The following SNX29 variants were observed in gnomAD, a reference collection of about 807,000 sequenced individuals.
SNX29 encodes the protein sorting nexin 29.
In SNX29, 78 loss-of-function variants were observed where a neutral mutation model predicts 102.1. The observed-to-expected ratio is 0.76, with a 90% confidence interval of 0.64 to 0.92. The LOEUF (loss-of-function observed/expected upper bound fraction) is 0.92, where lower values mean the gene tolerates loss of function less well. Among genes scored for constraint, SNX29 ranks in the 40% least tolerant of loss-of-function variants. SNX29 has a pLI of 0.00. For synonymous variants in SNX29, 580 were observed against 414.5 expected, an observed-to-expected ratio of 1.40 and a Z score of -4.85; for missense variants, 1,280 against 1,061.7, an observed-to-expected ratio of 1.21 and a Z score of -2.86.
intron 16 of SNX29, among the ~76,000 whole-genome samples, chr16:12,378,481 T>G (rs1185095308): frequency 6.6e-6 from 1 of 152,140 alleles, no homozygotes; most frequent in Non-Finnish European, 1.5e-5. Context: ...GAACCTTGTT[T>G]CTACTAAAAA....
chr16:12,006,097 G>C (rs2056443195), intron 3 of SNX29, among the ~76,000 whole-genome samples: 3 of 151,950 alleles, frequency 2.0e-5, no homozygotes, highest in African/African-American at 7.3e-5. Flanking sequence ...TCATTGCTTT[G>C]GGAGGCTGAG....
intron 18 of SNX29, among the ~76,000 whole-genome samples, chr16:12,437,256 T>G (rs1192327474): frequency 6.6e-6 from 1 of 152,240 alleles, no homozygotes; most frequent in Non-Finnish European, 1.5e-5. Flanking sequence ...TTTTCTTCCT[T>G]TCTTGGTCTG....
chr16:12,171,951 G>A (rs892885692), intron 13 of SNX29, among the ~76,000 whole-genome samples: 2 of 152,146 alleles, frequency 1.3e-5, no homozygotes, highest in African/African-American at 4.8e-5. Context: ...AGCCTCACAG[G>A]ACATTGACGA....
chr16:12,437,474 G>A (rs1181557252), intron 18 of SNX29, among the ~76,000 whole-genome samples: 4 of 152,220 alleles, frequency 2.6e-5, no homozygotes, highest in Non-Finnish European at 4.4e-5. Flanking sequence ...GGGAGATGGT[G>A]GCCTTTGCGG....
At chr16:12,388,966 C>T (rs2083431978) in intron 16 of SNX29, among the ~76,000 whole-genome samples, 2 of 152,186 alleles carry the variant, frequency 1.3e-5, no homozygotes, top group Non-Finnish European at 2.9e-5. Flanking sequence ...TCTGCTCCTG[C>T]CTGCAAGGGT....
At chr16:12,472,296 A>T (rs1341963941) in intron 18 of SNX29, among the ~76,000 whole-genome samples, 6 of 152,122 alleles carry the variant, frequency 3.9e-5, no homozygotes, top group Non-Finnish European at 7.4e-5. Flanking sequence ...CGAGGTGGGT[A>T]GATCACCTGA....
intron 16 of SNX29, among the ~76,000 whole-genome samples, chr16:12,371,591 C>T (rs1055826456): frequency 6.6e-6 from 1 of 152,180 alleles, no homozygotes; most frequent in Non-Finnish European, 1.5e-5. Flanking sequence ...AGGCGTGAGC[C>T]ACTGCACCCA....
chr16:12,105,513 C>T (rs961729734), intron 11 of SNX29, among the ~76,000 whole-genome samples: 1 of 152,040 alleles, frequency 6.6e-6, no homozygotes, highest in Non-Finnish European at 1.5e-5. Flanking sequence ...TGAGCCACCA[C>T]ACCCGGCCAG....
At chr16:12,030,763 A>T (rs1330955811) in intron 4 of SNX29, among the ~76,000 whole-genome samples, 4 of 152,116 alleles carry the variant, frequency 2.6e-5, no homozygotes, top group Non-Finnish European at 5.9e-5. Flanking sequence ...CCAGTGCGTG[A>T]TCTGGCTTCT....
chr16:12,383,131 G>C (rs1436347893), intron 16 of SNX29, among the ~76,000 whole-genome samples: 1 of 152,122 alleles, frequency 6.6e-6, no homozygotes, highest in African/African-American at 2.4e-5. Context: ...TAGACATTAA[G>C]TTAAGCATCT....
chr16:12,308,634 A>C (rs1156399078), intron 15 of SNX29, among the ~76,000 whole-genome samples: 1 of 152,108 alleles, frequency 6.6e-6, no homozygotes, highest in African/African-American at 2.4e-5. Flanking sequence ...AGACAGAAAA[A>C]ATCCTCGACT....
intron 19 of SNX29, among the ~76,000 whole-genome samples, chr16:12,521,625 T>C (rs1157177570): frequency 6.6e-6 from 1 of 152,214 alleles, no homozygotes; most frequent in Non-Finnish European, 1.5e-5. Context: ...TTTCTTGTCT[T>C]CCTGTAGCAG....
chr16:12,138,774 G>A (rs1033828803), intron 13 of SNX29, among the ~76,000 whole-genome samples: 8 of 152,102 alleles, frequency 5.3e-5, no homozygotes, highest in Non-Finnish European at 1.2e-4. Context: ...TGCTGTAGTG[G>A]ACATGGTATT....
At chr16:12,323,101 C>T (rs693862) in intron 15 of SNX29, among the ~76,000 whole-genome samples, 1,861 of 30,608 alleles carry the variant, frequency 0.061, 8 homozygotes, top group Middle Eastern at 0.12. Context: ...CTGGAGTCAC[C>T]GGGGACCACT....
chr16:12,382,074 C>T (rs975299960), intron 16 of SNX29, among the ~76,000 whole-genome samples: 1 of 151,988 alleles, frequency 6.6e-6, no homozygotes, highest in East Asian at 1.9e-4. Context: ...AAATGACCAC[C>T]CCTGCCAATG....
intron 14 of SNX29, among the ~76,000 whole-genome samples, chr16:12,261,344 G>T (rs1246366631): frequency 7.0e-6 from 1 of 142,458 alleles, no homozygotes; most frequent in African/African-American, 2.7e-5. Flanking sequence ...GTCTGTGCGT[G>T]CGTCCCTGGC....
At chr16:12,026,975 G>A (rs533626064) in intron 3 of SNX29, among the ~76,000 whole-genome samples, 29 of 152,088 alleles carry the variant, frequency 1.9e-4, no homozygotes, top group Non-Finnish European at 4.3e-4. Context: ...ACATCCAACC[G>A]CTCCCCACAC....
intron 19 of SNX29, among the ~76,000 whole-genome samples, chr16:12,523,668 C>T (rs895744943): frequency 2.6e-5 from 4 of 152,100 alleles, no homozygotes; most frequent in Admixed American, 1.3e-4. Flanking sequence ...TTGGGTTGCA[C>T]ACCAAGCAAG....
chr16:12,570,552 CAG>C lies in SNX29; in HGVS notation c.*1927_*1928del, dbSNP rs1309091536. 4 of 232,282 alleles carry C rather than the reference CAG, an allele frequency of 1.7e-5. No individual in the cohort carries two copies. The highest frequency in any genetic ancestry group is 3.4e-5 in the Non-Finnish European group (4 of 117,542). The allele number at this position is 232,282 out of a possible 1,614,324, so 14.4% of individuals were successfully genotyped here. ...TTGAAGTAGGTGTTTGATGCCAGCT[CAG>C]AGACTGTCTCAGGAGTGCCTCCCTG... is the stretch of plus-strand genomic sequence containing the variant. On this transcript the variant is annotated 3_prime_UTR_variant, in exon 21 of 21. Coordinates refer to ENST00000566228, the MANE Select transcript of SNX29 (RefSeq NM_032167.5).
Sources: allele counts gnomAD v4.1 joint callset (sites outside exome capture counted in the v4.1 genomes callset), GRCh38; gene constraint gnomAD v4.1.1; transcripts MANE v1.5; gene names NCBI Gene and HGNC (gene_info 2026-07-23, HGNC 2026-07-21).